PIWIL2: variants seen among roughly 807,000 people sequenced by gnomAD.
The protein encoded by PIWIL2 is piwi like RNA-mediated gene silencing 2, also known as piwi-like protein 2.
In PIWIL2, 81 loss-of-function variants were observed where a neutral mutation model predicts 116.5. That is an observed-to-expected ratio of 0.70 (90% confidence interval 0.58 to 0.84). The LOEUF (loss-of-function observed/expected upper bound fraction) is 0.84, where lower values mean the gene tolerates loss of function less well. Among genes scored for constraint, PIWIL2 ranks in the 40% least tolerant of loss-of-function variants. PIWIL2 has a pLI of 0.00. For synonymous variants in PIWIL2, 489 were observed against 429.5 expected (o/e 1.14, Z -1.71); for missense variants, 1,272 against 1,212.3 (o/e 1.05, Z -0.73).
intron 6 of PIWIL2, among the ~76,000 whole-genome samples, chr8:22,285,872 T>C (rs1176512498): frequency 1.3e-5 from 2 of 152,108 alleles, no homozygotes; most frequent in East Asian, 3.9e-4. Flanking sequence ...CTCAAACTCC[T>C]GACCTCAAGT....
chr8:22,339,670 A>G (rs898894559), intron 20 of PIWIL2, among the ~76,000 whole-genome samples: 1 of 152,200 alleles, frequency 6.6e-6, no homozygotes, highest in Non-Finnish European at 1.5e-5. Context: ...TTCAAAAGAC[A>G]CTATTAAGAA....
chr8:22,304,122 G>A lies in PIWIL2; in HGVS notation c.1283G>A (p.Arg428His), dbSNP rs140603765. 38 of 1,611,760 alleles carry A rather than the reference G, an allele frequency of 2.4e-5. No homozygotes were observed. Among genetic ancestry groups the A allele is most frequent in the African/African-American group, 4.0e-5 (3 of 74,848 alleles). Residue 428 changes from arginine to histidine, a missense_variant, in exon 11 of 23, where the codon CGT (arginine) becomes CAT (histidine). Arg to His is a conservative substitution (Grantham distance 29). Transcript: ENST00000356766. The part of the protein sequence containing the change: ...VITRYNNRTY[R>H]IDDVDWNKTP... ...ACCCGATATAACAATCGTACCTATC[G>A]TATTGATGATGTGGATTGGAATAAG...
chr8:22,316,243 A>G lies in PIWIL2; in HGVS notation c.2209-2A>G, dbSNP rs1469144389. 1.2e-6 allele frequency: 2 copies of G among 1,604,920 alleles called. No individual in the cohort carries two copies. Among genetic ancestry groups the G allele is most frequent in the Admixed American group, 1.7e-5 (1 of 59,984 alleles). On this transcript the variant is annotated splice_acceptor_variant, in intron 18 of 22. Coordinates refer to ENST00000356766, the MANE Select transcript of PIWIL2 (RefSeq NM_018068.5). LOFTEE classifies it high-confidence loss of function. Reference sequence around the variant, plus strand: ...GGTTTTTGTTTTTGTTTTCTAAACTAGAAACAGTTAATGGTGATCGGGATG... The same window carrying G: ...GGTTTTTGTTTTTGTTTTCTAAACTGGAAACAGTTAATGGTGATCGGGATG...
intron 20 of PIWIL2, among the ~76,000 whole-genome samples, chr8:22,340,414 A>G (rs1832081751): frequency 6.6e-6 from 1 of 152,234 alleles, no homozygotes; most frequent in Non-Finnish European, 1.5e-5. Context: ...CTCCAGATTT[A>G]TGTCCACCTG....
At chr8:22,276,231 C>G (rs13259097) in intron 1 of PIWIL2, among the ~76,000 whole-genome samples, 1 of 152,080 alleles carries the variant, frequency 6.6e-6, no homozygotes, top group Admixed American at 6.5e-5. Flanking sequence ...TCTGCACTTA[C>G]GCTGTGGGTT....
intron 20 of PIWIL2, among the ~76,000 whole-genome samples, chr8:22,330,221 T>A (rs975965205): frequency 6.6e-6 from 1 of 152,174 alleles, no homozygotes; most frequent in Non-Finnish European, 1.5e-5. Flanking sequence ...TCAAATCTGC[T>A]GTTAAGCACC....
intron 19 of PIWIL2, 116 bp downstream of exon 19, chr8:22,316,449 A>C: frequency 4.1e-5 from 25 of 615,846 alleles, no homozygotes; most frequent in Non-Finnish European, 6.1e-5. Context: ...ATTTCTAAAC[A>C]TTTTCTTCCT....
At chr8:22,350,860 G>A (rs995581963) in intron 20 of PIWIL2, among the ~76,000 whole-genome samples, 2 of 152,060 alleles carry the variant, frequency 1.3e-5, no homozygotes, top group Non-Finnish European at 2.9e-5. Context: ...ATAAAATTAG[G>A]CTGGGCGCAG....
At chr8:22,277,636 G>C (rs1830407871) in intron 1 of PIWIL2, among the ~76,000 whole-genome samples, 2 of 152,172 alleles carry the variant, frequency 1.3e-5, no homozygotes, top group African/African-American at 4.8e-5. Flanking sequence ...CTCCCAGAGT[G>C]CTGGGATTAC....
In PIWIL2 at chr8:22,306,026, C is replaced by T. The variant is rs1477535807; in HGVS notation, c.1545+10C>T. The T allele has an allele frequency of 1.9e-6, 3 of 1,601,266 alleles. No individual in the cohort carries two copies. Among genetic ancestry groups the T allele is most frequent in the Non-Finnish European group, 2.6e-6 (3 of 1,168,526 alleles). On this transcript the variant is annotated intron_variant, in intron 13 of 22. Coordinates refer to ENST00000356766, the MANE Select transcript of PIWIL2 (RefSeq NM_018068.5). Reference sequence around the variant, plus strand: ...CTTCAGAGCCATGAAGGTTGGAGTCCTGTGTTTTCAGCCGGAAATGCCCAC... The same window carrying T: ...CTTCAGAGCCATGAAGGTTGGAGTCTTGTGTTTTCAGCCGGAAATGCCCAC...
chr8:22,341,114 G>A (rs1299338859), intron 20 of PIWIL2, among the ~76,000 whole-genome samples: 2 of 152,068 alleles, frequency 1.3e-5, no homozygotes, highest in East Asian at 3.9e-4. Flanking sequence ...CCAGTTCATG[G>A]TACTTTGTTA....
intron 6 of PIWIL2, among the ~76,000 whole-genome samples, chr8:22,287,201 G>C (rs117610656): frequency 0.061 from 9,250 of 152,202 alleles, 349 homozygotes; most frequent in Admixed American, 0.092. Flanking sequence ...GAGCTGAGAT[G>C]GCTTCACTGC....
At chr8:22,283,408 T>C (rs904257288) in intron 5 of PIWIL2, among the ~76,000 whole-genome samples, 168 bp downstream of exon 5, 3 of 152,232 alleles carry the variant, frequency 2.0e-5, no homozygotes, top group African/African-American at 4.8e-5. Flanking sequence ...GATAGGACAA[T>C]TTATTTTTTC....
At chr8:22,308,119 T>C in intron 14 of PIWIL2, 46 bp downstream of exon 14, 3 of 1,481,504 alleles carry the variant, frequency 2.0e-6, no homozygotes, top group Non-Finnish European at 2.8e-6. Context: ...CAGAGACACG[T>C]GTGCAATATT....
intron 10 of PIWIL2, among the ~76,000 whole-genome samples, chr8:22,300,848 G>A (rs976391434): frequency 2.0e-5 from 3 of 152,150 alleles, no homozygotes; most frequent in African/African-American, 4.8e-5. Flanking sequence ...TATTTGGGTT[G>A]TTGTTTTTAC....
intron 10 of PIWIL2, among the ~76,000 whole-genome samples, chr8:22,299,921 T>TA (rs1446818938): frequency 6.6e-6 from 1 of 152,110 alleles, no homozygotes; most frequent in Non-Finnish European, 1.5e-5. Flanking sequence ...TGTTCTTTTT[T>TA]ATTGTATTTA....
At chr8:22,342,589 CA>C (rs1832135836) in intron 20 of PIWIL2, among the ~76,000 whole-genome samples, 1 of 152,178 alleles carries the variant, frequency 6.6e-6, no homozygotes, top group South Asian at 2.1e-4. Flanking sequence ...AAACTCTATG[CA>C]TAGACCATAC....
chr8:22,350,411 A>G (rs1412057238), intron 20 of PIWIL2, among the ~76,000 whole-genome samples: 1 of 151,572 alleles, frequency 6.6e-6, no homozygotes, highest in African/African-American at 2.4e-5. Context: ...CCCAGGCAAC[A>G]TGGTGAAACC....
At chr8:22,334,069 G>T (rs1831923972) in intron 20 of PIWIL2, among the ~76,000 whole-genome samples, 1 of 151,582 alleles carries the variant, frequency 6.6e-6, no homozygotes, top group African/African-American at 2.4e-5. Flanking sequence ...CGCCTTGTGG[G>T]TTCAAGCAAT....
Sources: gnomAD v4.1 joint callset for allele counts (sites outside exome capture counted in the v4.1 genomes callset) on GRCh38, gnomAD v4.1.1 for gene constraint, MANE v1.5 for transcripts, NCBI Gene and HGNC (gene_info 2026-07-23, HGNC 2026-07-21) for gene names.